Variants in RBBP9 observed in about 807,000 individuals in gnomAD.
RBBP9 encodes RB binding protein 9, serine hydrolase.
RBBP9 carries 20 observed loss-of-function variants against 24.2 expected under a neutral mutation model. That is an observed-to-expected ratio of 0.83 (90% CI 0.58 to 1.20). The LOEUF is 1.20. RBBP9 is among the 50% of genes most tolerant of loss of function. The probability of loss-of-function intolerance (pLI) is 0.00; values close to 1 mark genes in which losing one functional copy is unlikely to be tolerated. For missense variants in RBBP9, 234 were observed against 233.6 expected (o/e 1.00, Z -0.01); for synonymous variants, 74 against 84.6 (o/e 0.87, Z 0.69).
rs779710062 is a variant in RBBP9, at chr20:18,490,467, G to GT, written c.261dup (p.His88ThrfsTer19). 6.2e-7 allele frequency: 1 copy of GT among 1,612,668 alleles called. No homozygotes were observed. Among genetic ancestry groups the GT allele is most frequent in the African/African-American group, 1.3e-5 (1 of 74,978 alleles). On this transcript the variant is annotated frameshift_variant, in exon 4 of 5. Coordinates refer to ENST00000337227, the MANE Select transcript of RBBP9 (RefSeq NM_006606.3). LOFTEE classifies it high-confidence loss of function. ...ACTAATACAATAGCATATACTCGAT[G>GT]TGTTTCTGCATACCTGGAGAAACAA...
intron 2 of RBBP9, among the ~76,000 whole-genome samples, chr20:18,494,507 G>C (rs186503831): frequency 6.6e-6 from 1 of 151,680 alleles, no homozygotes; most frequent in Admixed American, 6.6e-5. Context: ...CTGAAACCCC[G>C]TCTCTGCTAA....
At chr20:18,492,426 G>A (rs934336750) in intron 3 of RBBP9, among the ~76,000 whole-genome samples, 2 of 151,934 alleles carry the variant, frequency 1.3e-5, no homozygotes, top group African/African-American at 4.8e-5. Flanking sequence ...CAGTTGTCTT[G>A]TACATTATCC....
chr20:18,493,287 A>G (rs2059872277), intron 3 of RBBP9, among the ~76,000 whole-genome samples: 2 of 152,198 alleles, frequency 1.3e-5, no homozygotes, highest in Non-Finnish European at 2.9e-5. Flanking sequence ...AACACTGCAG[A>G]CACAATCTAC....
At chr20:18,496,087 G>A (rs1475489724) in intron 1 of RBBP9, among the ~76,000 whole-genome samples, 1 of 152,224 alleles carries the variant, frequency 6.6e-6, no homozygotes, top group Non-Finnish European at 1.5e-5. Context: ...TCTATAGAGA[G>A]ACCTATATCT....
At chr20:18,490,509 T>C in intron 3 of RBBP9, 29 bp from the exon 4 acceptor site, 1 of 1,511,672 alleles carries the variant, frequency 6.6e-7, no homozygotes. Flanking sequence ...TGTCAGCTAA[T>C]ATATAATGTT....
At chr20:18,496,035 G>T (rs2059885737) in intron 1 of RBBP9, among the ~76,000 whole-genome samples, 155 bp from the exon 2 acceptor site, 1 of 152,238 alleles carries the variant, frequency 6.6e-6, no homozygotes, top group African/African-American at 2.4e-5. Context: ...CTTTTCGCAT[G>T]AACTCCATCT....
At chr20:18,491,211 G>A (rs77792776) in intron 3 of RBBP9, among the ~76,000 whole-genome samples, 1 of 152,286 alleles carries the variant, frequency 6.6e-6, no homozygotes, top group East Asian at 1.9e-4. Context: ...AGTGGTCTGT[G>A]AACTGTATTT....
At chr20:18,496,946 C>G (rs4141877) in intron 1 of RBBP9, 123 bp downstream of exon 1, 2 of 749,660 alleles carry the variant, frequency 2.7e-6, no homozygotes, top group Non-Finnish European at 4.4e-6. Context: ...GGGGGAGAGG[C>G]AGGAAAACAC....
At chr20:18,492,689 G>A (rs769317818) in intron 3 of RBBP9, among the ~76,000 whole-genome samples, 2 of 152,168 alleles carry the variant, frequency 1.3e-5, no homozygotes, top group Non-Finnish European at 2.9e-5. Context: ...TTTGTCAATA[G>A]GAAATTCTAC....
At chr20:18,492,751 TTTAGAAGTCAATTC>T in intron 3 of RBBP9, among the ~76,000 whole-genome samples, 1 of 152,192 alleles carries the variant, frequency 6.6e-6, no homozygotes, top group East Asian at 1.9e-4. Flanking sequence ...CTCCCTTAAC[TTTAGAAGTCAATTC>T]TTAGAAGGTT....
intron 3 of RBBP9, among the ~76,000 whole-genome samples, chr20:18,490,731 G>T (rs2059862031): frequency 1.3e-5 from 2 of 151,132 alleles, no homozygotes; most frequent in African/African-American, 4.9e-5. Flanking sequence ...CCAGGCTGGA[G>T]TGCAGTGGCA....
At chr20:18,490,725 G>A (rs923904064) in intron 3 of RBBP9, among the ~76,000 whole-genome samples, 7 of 151,158 alleles carry the variant, frequency 4.6e-5, no homozygotes, top group Admixed American at 2.0e-4. Flanking sequence ...TGTCACCCAG[G>A]CTGGAGTGCA....
intron 3 of RBBP9, among the ~76,000 whole-genome samples, chr20:18,493,544 G>A (rs1421289792): frequency 6.6e-6 from 1 of 152,174 alleles, no homozygotes; most frequent in Non-Finnish European, 1.5e-5. Context: ...CACTTCAAGG[G>A]GAATAGAAAG....
At chr20:18,491,889 G>A (rs1216940566) in intron 3 of RBBP9, among the ~76,000 whole-genome samples, 1 of 151,872 alleles carries the variant, frequency 6.6e-6, no homozygotes, top group Non-Finnish European at 1.5e-5. Flanking sequence ...CTGAGGTCAG[G>A]AGTTCAAGAC....
intron 1 of RBBP9, among the ~76,000 whole-genome samples, chr20:18,496,176 C>T (rs1456950205): frequency 2.0e-5 from 3 of 152,186 alleles, no homozygotes; most frequent in Non-Finnish European, 1.5e-5. Flanking sequence ...GACAGACTGA[C>T]CTGGAGCCAA....
At position 18,494,012 on chromosome 20, in the gene RBBP9, C is replaced by G; in HGVS notation, c.194G>C (p.Cys65Ser). The stretch of plus-strand genomic sequence containing the variant: ...GCCAATGATGATAGTCTTCTCATCA[C>G]AGTGCAGCTCTGTCTCCATGAAGGG... ...WLPFMETELH[C>S]DEKTIIIGHS... Residue 65 changes from cysteine (C) to serine (S), a missense_variant, in exon 3 of 5, where the codon TGT (cysteine) becomes TCT (serine). Transcript: ENST00000337227. 1 of 1,613,632 alleles carries G rather than the reference C, an allele frequency of 6.2e-7. No homozygotes were observed. Among genetic ancestry groups the G allele is most frequent in the South Asian group, 1.1e-5 (1 of 91,004 alleles).
rs1244855027 is a variant in RBBP9 at position 18,488,034 on chromosome 20, T to TTCA, written c.*1729_*1730insTGA. On this transcript the variant is annotated 3_prime_UTR_variant, in exon 5 of 5. Transcript: ENST00000337227. The stretch of plus-strand genomic sequence containing the variant: ...GATGATTGCTGTTGAACGATTAGGG[T>TTCA]ACCTTTCCTGATTTTTTTTGTCTAA... 4 of 152,314 alleles carry TTCA rather than the reference T, an allele frequency of 2.6e-5. No homozygotes were observed. Among genetic ancestry groups the TTCA allele is most frequent in the South Asian group, 4.1e-4 (2 of 4,824 alleles). 9.4% of individuals were successfully genotyped at this position (152,314 alleles called of 1,614,324 possible).
chr20:18,495,030 G>T (rs911599463), intron 2 of RBBP9, among the ~76,000 whole-genome samples: 3 of 151,740 alleles, frequency 2.0e-5, no homozygotes, highest in African/African-American at 7.3e-5. Context: ...CTGCCCGGCC[G>T]CCCCTACTGG....
At position 18,494,059 on chromosome 20, in the gene RBBP9, T is replaced by C. The variant is rs772127049; in HGVS notation, c.147A>G (p.Thr49=). 6.2e-7 allele frequency: 1 copy of C among 1,613,146 alleles called. No individual in the cohort carries two copies. The highest frequency in any genetic ancestry group is 1.1e-5 in the South Asian group (1 of 90,976). The change falls in exon 3 of 5, where the codon ACA becomes ACG. Residue 49 remains threonine (T), a synonymous_variant. Coordinates refer to ENST00000337227, the MANE Select transcript of RBBP9 (RefSeq NM_006606.3). Reference sequence around the variant, plus strand: ...AGGGCAGCCAGATGCTCTCTCGTGCTGTAACTTAAGGTTCAGGGTAAAGAA... The same window carrying C: ...AGGGCAGCCAGATGCTCTCTCGTGCCGTAACTTAAGGTTCAGGGTAAAGAA... ...CLAKNMPDPI[T]ARESIWLPFM...
Sources: gnomAD v4.1 joint callset for allele counts (sites outside exome capture counted in the v4.1 genomes callset) on GRCh38, gnomAD v4.1.1 for gene constraint, MANE v1.5 for transcripts, NCBI Gene and HGNC (gene_info 2026-07-23, HGNC 2026-07-21) for gene names.